MEIS3: variants seen among roughly 807,000 people sequenced by gnomAD.
The protein encoded by MEIS3 is Meis homeobox 3, also known as homeobox protein Meis3.
Under a neutral mutation model 51.4 loss-of-function variants are expected in MEIS3, and 38 were observed. That is an observed-to-expected ratio of 0.74 (90% confidence interval 0.57 to 0.97). MEIS3 has a LOEUF of 0.97. Ranked by LOEUF, MEIS3 falls within the 50% of genes least tolerant of loss-of-function variation. MEIS3 has a pLI of 0.00. For missense variants in MEIS3, 456 were observed against 502.6 expected, an observed-to-expected ratio of 0.91 and a Z score of 0.89; for synonymous variants, 198 against 201.8, an observed-to-expected ratio of 0.98 and a Z score of 0.16.
In MEIS3 at chr19:47,416,894, G is replaced by T. The variant is rs368317403; in HGVS notation, c.255C>A (p.Asp85Glu). Residue 85 changes from aspartate to glutamate, a missense_variant, in exon 3 of 13, where the codon GAC becomes GAA. Transcript: ENST00000558555. ...GTGTCCCCAGCCCAGCTCCGGCCCC[G>T]TCACGGGGAGAGCATGTAGCCAGTT... is the stretch of plus-strand genomic sequence containing the variant. ...KCELATCSPRDGAGAGLGTPP... is the reference protein window; with the variant it reads ...KCELATCSPREGAGAGLGTPP... 6.2e-7 allele frequency: 1 copy of T among 1,613,434 alleles called. No individual in the cohort carries two copies. Among genetic ancestry groups the T allele is most frequent in the Non-Finnish European group, 8.5e-7 (1 of 1,179,828 alleles).
rs116669755 is a variant in MEIS3, at chr19:47,405,239, C to T, written c.*17+1221G>A. The stretch of plus-strand genomic sequence containing the variant: ...GTTGTAAGGACTAAATGAGAAGATG[C>T]TCTAAAGTGCCGCCATCATACCAGG... On this transcript the variant is annotated intron_variant, in intron 12 of 12. Transcript: ENST00000558555. Among the ~76,000 whole-genome samples, 1,195 of 152,266 alleles carry T rather than the reference C, an allele frequency of 7.8e-3. 16 individuals carry two copies. Among genetic ancestry groups the T allele is most frequent in the African/African-American group, 0.027 (1,121 of 41,530 alleles).
chr19:47,407,254 G>A, intron 9 of MEIS3, 98 bp downstream of exon 9: 1 of 1,497,122 alleles, frequency 6.7e-7, no homozygotes, highest in Non-Finnish European at 9.0e-7. Flanking sequence ...GGCGAGCAGG[G>A]GCAGTGGCTC....
chr19:47,414,764 C>T lies in MEIS3; in HGVS notation c.550G>A (p.Glu184Lys). The change falls in exon 6 of 13, where the codon GAG becomes AAG. Residue 184 changes from glutamate to lysine, a missense_variant. Coordinates refer to ENST00000558555, the MANE Select transcript of MEIS3 (RefSeq NM_001301059.2). The stretch of plus-strand genomic sequence containing the variant: ...GAGGCTGGGTAGTCCTCGAAGTCCT[C>T]CCTGCAGCCGCCGTCCCGATCCTCG... ...VIEDRDGGCR[E>K]DFEDYPASCP... is the part of the protein sequence containing the mutation. 6.2e-7 allele frequency: 1 copy of T among 1,613,028 alleles called. No homozygotes were observed. The highest frequency in any genetic ancestry group is 8.5e-7 in the Non-Finnish European group (1 of 1,179,816).
rs984438052 is a variant in MEIS3 at position 47,415,083 on chromosome 19, C to A, written c.415G>T (p.Val139Leu). 3 of 1,528,484 alleles carry A rather than the reference C, an allele frequency of 2.0e-6. No homozygotes were observed. Among genetic ancestry groups the A allele is most frequent in the Non-Finnish European group, 2.6e-6 (3 of 1,144,454 alleles). The allele number at this position is 1,528,484 out of a possible 1,614,324, so 94.7% of individuals were successfully genotyped here. ...LDNLMIQAIQ[V>L]LRFHLLELEK... is the part of the protein sequence containing the mutation. ...AGCTCCAGCAGGTGGAACCGCAGCA[C>A]CTGGATGGCCTGGATCATCTGAAAA... is the stretch of plus-strand genomic sequence containing the variant. Residue 139 changes from valine to leucine, a missense_variant, in exon 5 of 13, where the codon GTG becomes TTG. Transcript: ENST00000558555.
In MEIS3 at chr19:47,406,883, C is replaced by A; in HGVS notation, c.1078+5G>T. 6.4e-7 allele frequency: 1 copy of A among 1,566,694 alleles called. No homozygotes were observed. The highest frequency in any genetic ancestry group is 1.2e-5 in the South Asian group (1 of 85,408). On this transcript the variant is annotated splice_donor_5th_base_variant and intron_variant, in intron 11 of 12. Transcript: ENST00000558555. ...GCGGGGCCTAGCTAAGGGGGCGAGG[C>A]TTACCCGGAGGCCGGACGGCCACGT...
chr19:47,417,645 G>A (rs1971515965), intron 1 of MEIS3: 1 of 702,876 alleles, frequency 1.4e-6, no homozygotes, highest in African/African-American at 1.7e-5. Flanking sequence ...GGAGAAAGTG[G>A]CGTGAGAAGA....
intron 9 of MEIS3, 64 bp from the exon 10 acceptor site, chr19:47,407,201 A>G: frequency 6.4e-7 from 1 of 1,554,266 alleles, no homozygotes; most frequent in East Asian, 2.3e-5. Context: ...GCCAAGACGA[A>G]CACAGAGCGG....
chr19:47,420,902 T>TCACACA (rs1306093436), upstream of MEIS3, among the ~76,000 whole-genome samples: 1 of 88,286 alleles, frequency 1.1e-5, no homozygotes, highest in African/African-American at 4.0e-5. Context: ...GCTCTCTCTC[T>TCACACA]CTCTCTCTCA....
intron 10 of MEIS3, 45 bp downstream of exon 10, chr19:47,407,034 C>T (rs1212293176): frequency 1.3e-6 from 2 of 1,590,762 alleles, no homozygotes; most frequent in African/African-American, 2.7e-5. Context: ...GCTTTGACGC[C>T]CTCCTAAGAA....
At chr19:47,407,569 G>A in intron 8 of MEIS3, 141 bp from the exon 9 acceptor site, 1 of 1,533,494 alleles carries the variant, frequency 6.5e-7, no homozygotes, top group Non-Finnish European at 8.7e-7. Flanking sequence ...GAGCGTCTCT[G>A]CGCTCCCCAG....
intron 6 of MEIS3, among the ~76,000 whole-genome samples, chr19:47,412,734 TG>T (rs1452120216): frequency 2.6e-5 from 4 of 152,048 alleles, no homozygotes; most frequent in African/African-American, 9.7e-5. Flanking sequence ...TCTAATTTTT[TG>T]TTTTTTTTAT....
chr19:47,403,541 C>A lies in MEIS3; in HGVS notation c.*30G>T, dbSNP rs1483695432. The A allele has an allele frequency of 1.6e-5, 7 of 447,866 alleles. No individual in the cohort carries two copies. Among genetic ancestry groups the A allele is most frequent in the Non-Finnish European group, 1.3e-5 (3 of 222,860 alleles). 27.7% of individuals were successfully genotyped at this position (447,866 alleles called of 1,614,324 possible). On this transcript the variant is annotated 3_prime_UTR_variant, in exon 13 of 13. Transcript: ENST00000558555. ...GCAGGTGTGAGGCTGGGGGTCACAG[C>A]CGGAGGCTGGGTCTGTGGAGAGGGG...
At position 47,407,358 on chromosome 19, in the gene MEIS3, T is replaced by C. The variant is rs761235146; in HGVS notation, c.929A>G (p.Asn310Ser). The C allele has an allele frequency of 2.5e-6, 4 of 1,612,976 alleles. No homozygotes were observed. Among genetic ancestry groups the C allele is most frequent in the African/African-American group, 1.3e-5 (1 of 74,812 alleles). The change falls in exon 9 of 13, where the codon AAC becomes AGC. Residue 310 changes from asparagine to serine, a missense_variant. Asn to Ser is a conservative substitution (Grantham distance 46). Transcript: ENST00000558555. ...QDTGLTILQV[N>S]NWFINARRRI... ...GCCCTCCTGGGCCACTCACCAGTTGTTGACTTGCAGGATGGTGAGCCCCGT... is the reference window on the plus strand; with the variant it reads ...GCCCTCCTGGGCCACTCACCAGTTGCTGACTTGCAGGATGGTGAGCCCCGT...
intron 12 of MEIS3, among the ~76,000 whole-genome samples, chr19:47,404,743 G>C (rs763333948): frequency 3.3e-5 from 5 of 151,842 alleles, no homozygotes; most frequent in Non-Finnish European, 7.4e-5. Flanking sequence ...CCCATCCCAG[G>C]TCCAACACCC....
chr19:47,414,093 G>C (rs1185737718), intron 6 of MEIS3, among the ~76,000 whole-genome samples: 2 of 152,048 alleles, frequency 1.3e-5, no homozygotes. Flanking sequence ...AGTCTGCGTA[G>C]ATGAGTCTGG....
chr19:47,420,706 A>G (rs191376621), upstream of MEIS3, among the ~76,000 whole-genome samples: 9 of 151,672 alleles, frequency 5.9e-5, no homozygotes, highest in East Asian at 1.8e-3. Context: ...AATCTTTCTA[A>G]TTAAAGAAAG....
chr19:47,409,571 A>C, intron 6 of MEIS3, 24 bp from the exon 7 acceptor site: 3 of 1,589,340 alleles, frequency 1.9e-6, no homozygotes, highest in Non-Finnish European at 1.7e-6. Flanking sequence ...GTTAGAAGTT[A>C]GTGCCAAGGC....
At chr19:47,410,113 C>G (rs1971057174) in intron 6 of MEIS3, among the ~76,000 whole-genome samples, 1 of 152,060 alleles carries the variant, frequency 6.6e-6, no homozygotes, top group Non-Finnish European at 1.5e-5. Context: ...TTGAGACCAG[C>G]CTGGCCAACA....
chr19:47,407,485 A>AAGGT (rs1013026499), intron 8 of MEIS3, 57 bp from the exon 9 acceptor site: 2 of 1,612,944 alleles, frequency 1.2e-6, no homozygotes, highest in Non-Finnish European at 1.7e-6. Flanking sequence ...TCTGAACCCC[A>AAGGT]AGGTCTGGCC....
Sources: gnomAD v4.1 joint callset for allele counts (sites outside exome capture counted in the v4.1 genomes callset) on GRCh38, gnomAD v4.1.1 for gene constraint, MANE v1.5 for transcripts, NCBI Gene and HGNC (gene_info 2026-07-23, HGNC 2026-07-21) for gene names.